SH3GL1: variants seen among roughly 807,000 people sequenced by gnomAD.
SH3GL1 encodes SH3 domain containing GRB2 like 1, endophilin A2.
In SH3GL1, 21 loss-of-function variants were observed where a neutral mutation model predicts 48.8. That is an observed-to-expected ratio of 0.43 (90% CI 0.30 to 0.62). The LOEUF (loss-of-function observed/expected upper bound fraction) is 0.62. Ranked by LOEUF, SH3GL1 falls within the 20% of genes least tolerant of loss-of-function variation. SH3GL1 has a pLI of 0.11. For synonymous variants in SH3GL1, 282 were observed against 217.5 expected, an observed-to-expected ratio of 1.30 and a Z score of -2.61; for missense variants, 454 against 503.0, an observed-to-expected ratio of 0.90 and a Z score of 0.93.
rs763353959 is a variant in SH3GL1 at position 4,361,593 on chromosome 19, G to A, written c.*7C>T. 3.8e-5 allele frequency: 61 copies of A among 1,587,530 alleles called. No homozygotes were observed. The highest frequency in any genetic ancestry group is 1.2e-4 in the Admixed American group (7 of 59,570). On this transcript the variant is annotated 3_prime_UTR_variant, in exon 10 of 10. Transcript: ENST00000269886. ...GGACGGAGGGGCGGGGCGGGGACAC[G>A]GGTGAGTCACTGCGGCAGGGGCACA...
intron 1 of SH3GL1, among the ~76,000 whole-genome samples, chr19:4,398,742 G>A (rs1973467123): frequency 6.6e-6 from 1 of 152,146 alleles, no homozygotes; most frequent in Non-Finnish European, 1.5e-5. Context: ...TCTGGAGAGT[G>A]GATCCACAGC....
intron 4 of SH3GL1, among the ~76,000 whole-genome samples, chr19:4,364,843 C>A (rs1030189803): frequency 1.4e-5 from 2 of 147,420 alleles, no homozygotes; most frequent in African/African-American, 5.1e-5. Flanking sequence ...GGGTTACAGG[C>A]ATGCACTACC....
At chr19:4,395,084 C>T (rs1204181066) in intron 1 of SH3GL1, among the ~76,000 whole-genome samples, 1 of 152,252 alleles carries the variant, frequency 6.6e-6, no homozygotes, top group Admixed American at 6.5e-5. Flanking sequence ...CAGCAAAGAA[C>T]TGGAAACCTT....
chr19:4,396,494 T>C (rs1032104662), intron 1 of SH3GL1, among the ~76,000 whole-genome samples: 1 of 152,112 alleles, frequency 6.6e-6, no homozygotes, highest in Admixed American at 6.6e-5. Context: ...TTTTACTTTT[T>C]TTTTTTTTGA....
intron 1 of SH3GL1, among the ~76,000 whole-genome samples, chr19:4,369,851 T>C (rs1972860289): frequency 1.3e-5 from 2 of 152,212 alleles, no homozygotes; most frequent in South Asian, 4.1e-4. Context: ...GACACAACCC[T>C]GTAAGGCCCC....
intron 7 of SH3GL1, 130 bp from the exon 8 acceptor site, chr19:4,362,866 C>T: frequency 6.9e-7 from 1 of 1,442,150 alleles, no homozygotes; most frequent in Non-Finnish European, 9.6e-7. Context: ...GGTTGTGACA[C>T]ATGGACCCTG....
In SH3GL1 at chr19:4,366,968, G is replaced by C. The variant is rs147257854; in HGVS notation, c.72C>G (p.Ala24=). The C allele has an allele frequency of 1.2e-6, 2 of 1,613,896 alleles. No homozygotes were observed. The highest frequency in any genetic ancestry group is 1.7e-6 in the Non-Finnish European group (2 of 1,179,888). The part of the protein sequence containing the change: ...SQLVSEKVGG[A]EGTKLDDDFK... ...AGTCATCATCCAGCTTGGTCCCCTC[G>C]GCCCCTCCGACCTTCTCACTGACCA... The change falls in exon 2 of 10, where the codon GCC becomes GCG. Residue 24 remains alanine (A), a synonymous_variant. Coordinates refer to ENST00000269886, the MANE Select transcript of SH3GL1 (RefSeq NM_003025.4).
rs1381392911 is a variant in SH3GL1 at position 4,393,976 on chromosome 19, C to T, written c.45+6348G>A. On this transcript the variant is annotated intron_variant, in intron 1 of 9. Coordinates refer to ENST00000269886, the MANE Select transcript of SH3GL1 (RefSeq NM_003025.4). ...ACAGTCCTCCCCCAACCCCCCTGGC[C>T]TCTCCTTTTCTCCTAGGCACAAACC... Among the ~76,000 whole-genome samples, 7 of 151,960 alleles carry T rather than the reference C, an allele frequency of 4.6e-5. No homozygotes were observed. In the East Asian group the frequency reaches 1.4e-3, roughly 29 times the overall value.
chr19:4,380,898 G>T (rs1973107381), intron 1 of SH3GL1, among the ~76,000 whole-genome samples: 1 of 152,136 alleles, frequency 6.6e-6, no homozygotes, highest in African/African-American at 2.4e-5. Context: ...CACAGCCAAG[G>T]AAGGCTGGAT....
Position 4,363,493 on chromosome 19 carries a change from CAG to C in SH3GL1, c.625-22_625-21del, listed in dbSNP as rs1362296007. 1.7e-5 allele frequency: 27 copies of C among 1,599,822 alleles called. No individual in the cohort carries two copies. Among genetic ancestry groups the C allele is most frequent in the Middle Eastern group, 1.7e-4 (1 of 6,056 alleles). On this transcript the variant is annotated intron_variant, in intron 6 of 9. Transcript: ENST00000269886. ...CTCGATCTGTGGGGACAGTAGGGCT[CAG>C]GGGCTCCTGCCAGTGCCACTGTCCT...
At chr19:4,365,146 C>T (rs1315262519) in intron 4 of SH3GL1, among the ~76,000 whole-genome samples, 1 of 152,042 alleles carries the variant, frequency 6.6e-6, no homozygotes, top group Non-Finnish European at 1.5e-5. Flanking sequence ...AAATCCGAAT[C>T]GATGCTGGAC....
Position 4,361,071 on chromosome 19 carries a change from G to C in SH3GL1, c.*529C>G, listed in dbSNP as rs1054003237. On this transcript the variant is annotated 3_prime_UTR_variant, in exon 10 of 10. Transcript: ENST00000269886. The stretch of plus-strand genomic sequence containing the variant: ...GAAGGAGTGCGTGTGTGAGGCGGGG[G>C]TGCATTGGCCCTGGAGTAGGGCCAG... The C allele has an allele frequency of 8.5e-6, 2 of 236,558 alleles. No homozygotes were observed. The highest frequency in any genetic ancestry group is 1.7e-5 in the Non-Finnish European group (2 of 120,484). The allele number at this position is 236,558 out of a possible 1,614,324, so 14.7% of individuals were successfully genotyped here. A position where few individuals can be genotyped will look rare whatever the true frequency, so the allele number is the denominator to read the frequency against.
rs746365536 is a variant in SH3GL1, at chr19:4,363,418, C to T, written c.680G>A (p.Arg227Gln). Reference protein sequence around the residue: ...ALVDAQLDYHRQAVQILDELA... With the variant: ...ALVDAQLDYHQQAVQILDELA... ...CTCGTCCAGGATCTGCACGGCCTGC[C>T]GGTGGTAGTCCAGCTGTGCATCCAC... Residue 227 changes from arginine (R) to glutamine (Q), a missense_variant, in exon 7 of 10, where the codon CGG becomes CAG. Coordinates refer to ENST00000269886, the MANE Select transcript of SH3GL1 (RefSeq NM_003025.4). 2.7e-5 allele frequency: 43 copies of T among 1,612,232 alleles called. No individual in the cohort carries two copies. Among genetic ancestry groups the T allele is most frequent in the South Asian group, 5.5e-5 (5 of 90,848 alleles).
rs1215833269 is a variant in SH3GL1 at position 4,363,489 on chromosome 19, G to C, written c.625-16C>G. The C allele has an allele frequency of 7.5e-6, 12 of 1,601,026 alleles. No individual in the cohort carries two copies. The highest frequency in any genetic ancestry group is 1.3e-5 in the African/African-American group (1 of 74,624). On this transcript the variant is annotated splice_polypyrimidine_tract_variant and intron_variant, in intron 6 of 9. Coordinates refer to ENST00000269886, the MANE Select transcript of SH3GL1 (RefSeq NM_003025.4). ...CCTGCTCGATCTGTGGGGACAGTAGGGCTCAGGGGCTCCTGCCAGTGCCAC... is the reference window on the plus strand; with the variant it reads ...CCTGCTCGATCTGTGGGGACAGTAGCGCTCAGGGGCTCCTGCCAGTGCCAC...
chr19:4,381,974 C>T (rs944894250), intron 1 of SH3GL1, among the ~76,000 whole-genome samples: 1 of 152,020 alleles, frequency 6.6e-6, no homozygotes, highest in Non-Finnish European at 1.5e-5. Flanking sequence ...ACGTCTTCAA[C>T]GACATATTAA....
intron 6 of SH3GL1, 78 bp downstream of exon 6, chr19:4,363,642 C>T (rs1972688590): frequency 1.3e-6 from 2 of 1,580,244 alleles, no homozygotes; most frequent in Non-Finnish European, 1.7e-6. Flanking sequence ...CCGATCTGTC[C>T]TCCAGCTCCC....
intron 1 of SH3GL1, among the ~76,000 whole-genome samples, chr19:4,386,471 G>C (rs1027592370): frequency 6.7e-6 from 1 of 149,328 alleles, no homozygotes; most frequent in Non-Finnish European, 1.5e-5. Context: ...TGATGTTTGG[G>C]AACTCTTTTT....
intron 7 of SH3GL1, among the ~76,000 whole-genome samples, chr19:4,362,958 C>T (rs1290469785): frequency 6.6e-6 from 1 of 152,130 alleles, no homozygotes; most frequent in East Asian, 1.9e-4. Context: ...GATTGCCAAG[C>T]AGCTGGGGCC....
intron 1 of SH3GL1, among the ~76,000 whole-genome samples, chr19:4,392,977 C>G (rs918493818): frequency 6.6e-6 from 1 of 152,018 alleles, no homozygotes; most frequent in East Asian, 1.9e-4. Flanking sequence ...ATCATAACAA[C>G]CCGGGCGTGG....
Sources: gnomAD v4.1 joint callset for allele counts (sites outside exome capture counted in the v4.1 genomes callset) on GRCh38, gnomAD v4.1.1 for gene constraint, MANE v1.5 for transcripts, NCBI Gene and HGNC (gene_info 2026-07-23, HGNC 2026-07-21) for gene names.